Variants in ZNF880 observed in about 807,000 individuals in gnomAD.
ZNF880 encodes zinc finger protein LOC400713.
Under a neutral mutation model 11.8 loss-of-function variants are expected in ZNF880, and 12 were observed. The observed-to-expected ratio is 1.02, with a 90% CI of 0.65 to 1.65. The LOEUF (loss-of-function observed/expected upper bound fraction) is 1.65. Among genes scored for constraint, ZNF880 ranks in the 40% most tolerant of loss-of-function variants. The probability of loss-of-function intolerance (pLI) is 0.00; values close to 1 mark genes in which losing one functional copy is unlikely to be tolerated. For missense variants in ZNF880, 601 were observed against 673.9 expected (o/e 0.89, Z 1.20); for synonymous variants, 210 against 232.4 (o/e 0.90, Z 0.88).
At chr19:52,374,513 GAGTGGCAATCATC>G in intron 3 of ZNF880, 86 bp downstream of exon 3, 1 of 1,501,636 alleles carries the variant, frequency 6.7e-7, no homozygotes, top group Non-Finnish European at 9.1e-7. Flanking sequence ...GGCTGTCGTA[GAGTGGCAATCATC>G]AGTGGCAATC....
chr19:52,367,323 C>T (rs941647011), upstream of ZNF880: 3 of 152,490 alleles, frequency 2.0e-5, no homozygotes, highest in African/African-American at 7.2e-5. Flanking sequence ...CGGGGTTTCC[C>T]TCCGTTGGCC....
rs1270847914 is a variant in ZNF880, at chr19:52,383,849, A to G, written c.269A>G (p.Glu90Gly). Residue 90 changes from glutamate (E) to glycine (G), a missense_variant and splice_region_variant, in exon 4 of 4, where the codon GAG becomes GGG. Coordinates refer to ENST00000422689, the MANE Select transcript of ZNF880 (RefSeq NM_001145434.2). ...GRECIKGVNA[E>G]SSSKLGSNAG... Reference sequence around the variant, plus strand: ...TTCCACTTTTTTCTTTCTTTTTTAGAGAGCAGCTCTAAATTGGGAAGCAAT... The same window carrying G: ...TTCCACTTTTTTCTTTCTTTTTTAGGGAGCAGCTCTAAATTGGGAAGCAAT... 6.6e-7 allele frequency: 1 copy of G among 1,526,476 alleles called. No individual in the cohort carries two copies. Among genetic ancestry groups the G allele is most frequent in the Non-Finnish European group, 8.8e-7 (1 of 1,139,438 alleles). The allele number at this position is 1,526,476 out of a possible 1,614,324, so 94.6% of individuals were successfully genotyped here. A position where few individuals can be genotyped will look rare whatever the true frequency, so the allele number is the denominator to read the frequency against.
chr19:52,384,460 A>G lies in ZNF880; in HGVS notation c.880A>G (p.Lys294Glu). Residue 294 changes from lysine (K) to glutamate (E), a missense_variant, in exon 4 of 4, where the codon AAA becomes GAA. This residue lies in a region of ZNF880 where 420 missense variants were observed against 442.6 expected (regional missense o/e 0.95). Transcript: ENST00000422689. ...ANHHRIHTGE[K>E]PYKCNECGKV... is the part of the protein sequence containing the mutation. ...TCATCACAGAATCCACACTGGAGAGAAACCTTACAAATGTAATGAGTGTGG... is the reference window on the plus strand; with the variant it reads ...TCATCACAGAATCCACACTGGAGAGGAACCTTACAAATGTAATGAGTGTGG... 1 of 1,614,226 alleles carries G rather than the reference A, an allele frequency of 6.2e-7. No individual in the cohort carries two copies. Among genetic ancestry groups the G allele is most frequent in the Non-Finnish European group, 8.5e-7 (1 of 1,180,044 alleles).
chr19:52,396,121 A>ATTTTTTTTTTTTTTT, the ZNF880 span, among the ~76,000 whole-genome samples: 2 of 120,644 alleles, frequency 1.7e-5, no homozygotes, highest in African/African-American at 6.5e-5. Context: ...TGCCTGGCTA[A>ATTTTTTTTTTTTTTT]TTTTTTTTTT....
the ZNF880 span, chr19:52,392,643 C>CT: frequency 9.3e-5 from 19 of 204,954 alleles, no homozygotes; most frequent in Non-Finnish European, 2.0e-4. Context: ...CCTTGGTTCT[C>CT]TTTTTTTATA....
chr19:52,380,515 TC>T lies in ZNF880; in HGVS notation c.269-3333del, dbSNP rs1403520642. Among the ~76,000 whole-genome samples the T allele has an allele frequency of 2.1e-4, 27 of 130,176 alleles. No homozygotes were observed. The East Asian group carries it at 4.8e-3, about 23-fold the overall frequency. 85.4% of individuals were successfully genotyped at this position (130,176 alleles called of 152,430 possible). On this transcript the variant is annotated intron_variant, in intron 3 of 3. Coordinates refer to ENST00000422689, the MANE Select transcript of ZNF880 (RefSeq NM_001145434.2). ...TATTCAATAATAATATTAAATGAAA[TC>T]TTTTTATTTGTATGAGTTACATATA...
chr19:52,370,866 G>A (rs1253533081), intron 1 of ZNF880, among the ~76,000 whole-genome samples: 1 of 152,190 alleles, frequency 6.6e-6, no homozygotes, highest in East Asian at 1.9e-4. Flanking sequence ...TTGAGGCCAG[G>A]AATTCAAGGC....
At chr19:52,375,870 C>T (rs192183152) in intron 3 of ZNF880, among the ~76,000 whole-genome samples, 7 of 152,288 alleles carry the variant, frequency 4.6e-5, no homozygotes, top group African/African-American at 1.2e-4. Context: ...GATGAGGTCT[C>T]ACTAGGTTGC....
At chr19:52,368,757 C>A (rs1986239270), upstream of ZNF880, among the ~76,000 whole-genome samples, 1 of 151,982 alleles carries the variant, frequency 6.6e-6, no homozygotes, top group African/African-American at 2.4e-5. Flanking sequence ...TAATACATTT[C>A]TTCCCTGTTT....
chr19:52,369,818 T>G (rs1175689123), upstream of ZNF880: 7 of 953,410 alleles, frequency 7.3e-6, no homozygotes, highest in East Asian at 5.2e-5. Context: ...CCACGGCAGG[T>G]CTAGCCTCCA....
intron 3 of ZNF880, among the ~76,000 whole-genome samples, chr19:52,376,513 T>C (rs113941357): frequency 2.0e-4 from 24 of 117,574 alleles, no homozygotes; most frequent in South Asian, 3.4e-4. Context: ...CCCCCCCTTT[T>C]TTTTTTTTTT....
upstream of ZNF880, among the ~76,000 whole-genome samples, chr19:52,369,585 G>A (rs1214868203): frequency 6.6e-6 from 1 of 151,994 alleles, no homozygotes; most frequent in Non-Finnish European, 1.5e-5. Context: ...CTCATGCCCA[G>A]GCGGGAGTGC....
rs11084156 is a variant in ZNF880 at position 52,383,634 on chromosome 19, A to G, written c.269-215A>G. Among the ~76,000 whole-genome samples the G allele has an allele frequency of 0.36, 54,837 of 151,880 alleles. 10,184 individuals are homozygous for G. The highest frequency in any genetic ancestry group is 0.51 in the South Asian group (2,477 of 4,816). On this transcript the variant is annotated intron_variant, in intron 3 of 3. Coordinates refer to ENST00000422689, the MANE Select transcript of ZNF880 (RefSeq NM_001145434.2). ...ATTTTTCTGCTCATAATCTCTCTCAAACTCACCCATAATCCACCTGACTCC... is the reference window on the plus strand; with the variant it reads ...ATTTTTCTGCTCATAATCTCTCTCAGACTCACCCATAATCCACCTGACTCC...
intron 2 of ZNF880, 73 bp from the exon 3 acceptor site, chr19:52,374,224 TTG>T: frequency 7.4e-7 from 1 of 1,353,920 alleles, no homozygotes; most frequent in Non-Finnish European, 9.9e-7. Flanking sequence ...TTTTTTTTTT[TTG>T]TATTTTTTAG....
intron 3 of ZNF880, among the ~76,000 whole-genome samples, 157 bp from the exon 4 acceptor site, chr19:52,383,692 C>T (rs1411005356): frequency 6.6e-6 from 1 of 152,144 alleles, no homozygotes; most frequent in Admixed American, 6.6e-5. Flanking sequence ...TGCATCCTTC[C>T]GTCCCTTTTG....
chr19:52,384,005 T>C lies in ZNF880; in HGVS notation c.425T>C (p.Leu142Ser). Residue 142 changes from leucine to serine, a missense_variant, in exon 4 of 4, where the codon TTA (leucine) becomes TCA (serine). This residue lies in a region of ZNF880 where 420 missense variants were observed against 442.6 expected (regional missense o/e 0.95). Coordinates refer to ENST00000422689, the MANE Select transcript of ZNF880 (RefSeq NM_001145434.2). The part of the protein sequence containing the change: ...KHVEKPINNS[L>S]VSPLQKIYSS... The stretch of plus-strand genomic sequence containing the variant: ...GTCGAAAAACCTATCAACAATTCCT[T>C]AGTTTCACCACTTCAAAAAATTTAT... 1 of 1,520,604 alleles carries C rather than the reference T, an allele frequency of 6.6e-7. No homozygotes were observed. Among genetic ancestry groups the C allele is most frequent in the South Asian group, 1.2e-5 (1 of 80,028 alleles). 94.2% of individuals were successfully genotyped at this position (1,520,604 alleles called of 1,614,324 possible).
intron 3 of ZNF880, among the ~76,000 whole-genome samples, chr19:52,376,257 G>A (rs1600248171): frequency 6.6e-6 from 1 of 152,014 alleles, no homozygotes; most frequent in African/African-American, 2.4e-5. Flanking sequence ...CTCCATAGTG[G>A]TTGTACTAGT....
At chr19:52,371,152 CAT>C (rs2079286017) in intron 1 of ZNF880, among the ~76,000 whole-genome samples, 1 of 152,158 alleles carries the variant, frequency 6.6e-6, no homozygotes. Context: ...GTTGAAATTA[CAT>C]CTTATATATT....
intron 3 of ZNF880, among the ~76,000 whole-genome samples, chr19:52,375,383 G>A (rs1986523477): frequency 6.6e-6 from 1 of 151,558 alleles, no homozygotes; most frequent in South Asian, 2.1e-4. Context: ...GTGGAAACGG[G>A]GTTTCACCAT....
Sources: allele counts gnomAD v4.1 joint callset (sites outside exome capture counted in the v4.1 genomes callset), GRCh38; gene constraint gnomAD v4.1.1; regional missense constraint gnomAD v4.1.1; transcripts MANE v1.5; gene names NCBI Gene and HGNC (gene_info 2026-07-23, HGNC 2026-07-21).